CHN2: variants seen among roughly 807,000 people sequenced by gnomAD.
The protein encoded by CHN2 is chimerin 2.
CHN2 carries 35 observed loss-of-function variants against 56.3 expected under a neutral mutation model. The observed-to-expected ratio is 0.62, with a 90% CI of 0.47 to 0.82. CHN2 has a LOEUF of 0.82. Among genes scored for constraint, CHN2 ranks in the 40% least tolerant of loss-of-function variants. CHN2 has a pLI of 0.00. For synonymous variants in CHN2, 210 were observed against 212.8 expected, an observed-to-expected ratio of 0.99 and a Z score of 0.12; for missense variants, 491 against 580.5, an observed-to-expected ratio of 0.85 and a Z score of 1.58.
intron 6 of CHN2, among the ~76,000 whole-genome samples, chr7:29,469,878 T>C (rs1260635400): frequency 6.6e-6 from 1 of 151,972 alleles, no homozygotes; most frequent in African/African-American, 2.4e-5. Context: ...AAATAATAGA[T>C]GCTCAATAAT....
At chr7:29,169,742 A>G (rs1021957690) in intron 2 of CHN2, among the ~76,000 whole-genome samples, 10 of 152,008 alleles carry the variant, frequency 6.6e-5, no homozygotes, top group African/African-American at 2.4e-4. Context: ...CTCCCTTCTG[A>G]CCACTGTTTG....
At chr7:29,477,937 C>T (rs934696321) in intron 6 of CHN2, among the ~76,000 whole-genome samples, 1 of 152,208 alleles carries the variant, frequency 6.6e-6, no homozygotes, top group Admixed American at 6.5e-5. Flanking sequence ...TCTTATTAGA[C>T]ACTTTTGTAG....
At chr7:29,501,242 G>A (rs946523022) in intron 9 of CHN2, among the ~76,000 whole-genome samples, 9 of 152,196 alleles carry the variant, frequency 5.9e-5, no homozygotes, top group African/African-American at 2.2e-4. Context: ...CTGAGAACTT[G>A]CTAATTTAAT....
intron 6 of CHN2, among the ~76,000 whole-genome samples, chr7:29,409,962 C>A (rs1375208318): frequency 2.0e-5 from 3 of 152,178 alleles, no homozygotes; most frequent in Non-Finnish European, 4.4e-5. Context: ...GGGGACTGGG[C>A]AGGCTATGAT....
At chr7:29,427,480 AG>A (rs773655438) in intron 6 of CHN2, among the ~76,000 whole-genome samples, 1 of 152,004 alleles carries the variant, frequency 6.6e-6, no homozygotes, top group Non-Finnish European at 1.5e-5. Flanking sequence ...CAAAGGTCAT[AG>A]GGGGCATCTG....
chr7:29,476,674 C>G (rs77038529), intron 6 of CHN2, among the ~76,000 whole-genome samples: 1,864 of 152,236 alleles, frequency 0.012, 32 homozygotes, highest in African/African-American at 0.042. Flanking sequence ...GTATTCTCAA[C>G]TGGAGACAGC....
intron 1 of CHN2, among the ~76,000 whole-genome samples, chr7:29,287,249 A>C (rs1043802686): frequency 6.6e-6 from 1 of 152,186 alleles, no homozygotes; most frequent in Non-Finnish European, 1.5e-5. Context: ...TTTGAGGCTC[A>C]AGCCATCTGA....
intron 1 of CHN2, among the ~76,000 whole-genome samples, chr7:29,217,430 A>G (rs1351460753): frequency 6.6e-6 from 1 of 152,242 alleles, no homozygotes; most frequent in Non-Finnish European, 1.5e-5. Flanking sequence ...CTGTAAAATC[A>G]TGACCTGCGT....
intron 8 of CHN2, among the ~76,000 whole-genome samples, chr7:29,499,198 T>C (rs908069036): frequency 1.3e-5 from 2 of 152,208 alleles, no homozygotes; most frequent in African/African-American, 2.4e-5. Flanking sequence ...ATCATCACAT[T>C]ACATTACATG....
chr7:29,244,328 C>T (rs1456538571), intron 1 of CHN2, among the ~76,000 whole-genome samples: 1 of 152,174 alleles, frequency 6.6e-6, no homozygotes, highest in African/African-American at 2.4e-5. Flanking sequence ...ATGAAGCATA[C>T]AATCCACCTC....
At chr7:29,212,692 C>G (rs957220999) in intron 1 of CHN2, 3 of 1,552,560 alleles carry the variant, frequency 1.9e-6, no homozygotes, top group African/African-American at 2.7e-5. Context: ...TCTCCAATAT[C>G]TGGAACCTCA....
At chr7:29,466,212 AAG>A (rs1185225723) in intron 6 of CHN2, among the ~76,000 whole-genome samples, 2 of 144,836 alleles carry the variant, frequency 1.4e-5, no homozygotes, top group Non-Finnish European at 1.5e-5. Context: ...TAAAGAGAGA[AAG>A]AGAGAGAGGA....
intron 2 of CHN2, among the ~76,000 whole-genome samples, chr7:29,155,071 A>G (rs541743460): frequency 6.6e-6 from 1 of 152,274 alleles, no homozygotes; most frequent in African/African-American, 2.4e-5. Context: ...ATTCACTGTC[A>G]GGAGAACAGC....
upstream of CHN2, chr7:29,193,136 G>A (rs963532057): frequency 8.5e-5 from 13 of 152,162 alleles, no homozygotes; most frequent in Admixed American, 1.3e-4. Flanking sequence ...TACAGTTGAG[G>A]GGTAGGAAGA....
chr7:29,240,013 C>A (rs1323121369), intron 1 of CHN2, among the ~76,000 whole-genome samples: 1 of 152,190 alleles, frequency 6.6e-6, no homozygotes, highest in Non-Finnish European at 1.5e-5. Context: ...GTGAGCCAAA[C>A]AAAATATATC....
chr7:29,387,810 A>T (rs1248926871), intron 3 of CHN2, among the ~76,000 whole-genome samples: 1 of 152,202 alleles, frequency 6.6e-6, no homozygotes, highest in Admixed American at 6.5e-5. Context: ...ACTCAGGTCC[A>T]ATTAGATAGT....
chr7:29,498,435 A>AT (rs1427159552), intron 8 of CHN2, among the ~76,000 whole-genome samples: 1 of 152,218 alleles, frequency 6.6e-6, no homozygotes, highest in African/African-American at 2.4e-5. Context: ...GTTGATAAAG[A>AT]TTAATTAGAA....
chr7:29,485,641 A>G (rs1787883011), intron 7 of CHN2, among the ~76,000 whole-genome samples: 2 of 152,224 alleles, frequency 1.3e-5, no homozygotes, highest in South Asian at 4.1e-4. Flanking sequence ...TATGCAAACA[A>G]CAGGAGTGAG....
chr7:29,340,650 C>A (rs573942450), intron 1 of CHN2, among the ~76,000 whole-genome samples: 1 of 152,308 alleles, frequency 6.6e-6, no homozygotes, highest in South Asian at 2.1e-4. Context: ...AGCCAAGAGA[C>A]AAATTGCTCC....
Sources: allele counts gnomAD v4.1 joint callset (sites outside exome capture counted in the v4.1 genomes callset), GRCh38; gene constraint gnomAD v4.1.1; transcripts MANE v1.5; gene names NCBI Gene and HGNC (gene_info 2026-07-23, HGNC 2026-07-21).